Variants in SET observed in about 807,000 individuals in gnomAD.
The protein encoded by SET is protein SET.
A neutral mutation model predicts 39.0 loss-of-function variants in SET; 4 were observed. That is an observed-to-expected ratio of 0.10 (90% CI 0.05 to 0.23). The LOEUF is 0.23. Among genes scored for constraint, SET ranks in the 10% least tolerant of loss-of-function variants. SET has a pLI of 1.00. For missense variants in SET, 137 were observed against 329.7 expected (o/e 0.42, Z 4.53); for synonymous variants, 114 against 115.9 (o/e 0.98, Z 0.11).
In SET at chr9:128,692,756, A is replaced by T. The variant is rs1861594257; in HGVS notation, c.369A>T (p.Arg123Ser). 1 of 1,603,044 alleles carries T rather than the reference A, an allele frequency of 6.2e-7. No homozygotes were observed. Among genetic ancestry groups the T allele is most frequent in the Non-Finnish European group, 8.5e-7 (1 of 1,170,118 alleles). ...TEFEDIKSGYRIDFYFDENPY... is the reference protein window; with the variant it reads ...TEFEDIKSGYSIDFYFDENPY... ...TTGAAGATATTAAATCAGGTTACAG[A>T]ATAGATTTTGTAAGTATCTCTAACT... The change falls in exon 4 of 8, where the codon AGA (arginine) becomes AGT (serine). Residue 123 changes from arginine (R) to serine (S), a missense_variant. By Grantham distance (110) the Arg-to-Ser change is moderately radical (BLOSUM62 -1). Around this residue, in one of 3 missense-constraint regions of SET, gnomAD observed 59 missense variants for 237.2 expected, o/e 0.25. Coordinates refer to ENST00000322030, the MANE Select transcript of SET (RefSeq NM_003011.4).
chr9:128,690,009 C>A (rs1459960585), intron 1 of SET: 2 of 1,022,820 alleles, frequency 2.0e-6, no homozygotes, highest in South Asian at 3.0e-5. Context: ...TCCCATCAGC[C>A]GCCGCCGCCG....
chr9:128,695,211 T>C lies in SET; in HGVS notation c.*547T>C, dbSNP rs60115664. ...CAGCAAAGGGTGGGTTTGAGATGTT[T>C]GGGTGGGTTAAGTGGGCATTTTGAC... On this transcript the variant is annotated 3_prime_UTR_variant, in exon 8 of 8. Coordinates refer to ENST00000322030, the MANE Select transcript of SET (RefSeq NM_003011.4). 1,911 of 221,034 alleles carry C rather than the reference T, an allele frequency of 8.6e-3. 15 individuals are homozygous for C. Among genetic ancestry groups the C allele is most frequent in the African/African-American group, 0.04 (1,800 of 44,810 alleles). The allele number at this position is 221,034 out of a possible 1,614,324, so 13.7% of individuals were successfully genotyped here. A position where few individuals can be genotyped will look rare whatever the true frequency, so the allele number is the denominator to read the frequency against.
chr9:128,683,978 C>T (rs1442641412), exon 1 of SET: 13 of 1,556,028 alleles, frequency 8.4e-6, no homozygotes, highest in African/African-American at 4.1e-5. Context: ...GAGGAGACAT[C>T]GGCCTCTGCA....
rs770136079 is a variant in SET, at chr9:128,693,630, T to A, written c.493-8T>A. On this transcript the variant is annotated splice_region_variant and splice_polypyrimidine_tract_variant and intron_variant, in intron 5 of 7. Coordinates refer to ENST00000322030, the MANE Select transcript of SET (RefSeq NM_003011.4). ...ATTGTATCAAAAGCTCTTCCGGTATTCATTTAGGATTTGACGAAACGTTCG... is the reference window on the plus strand; with the variant it reads ...ATTGTATCAAAAGCTCTTCCGGTATACATTTAGGATTTGACGAAACGTTCG... 1.9e-6 allele frequency: 3 copies of A among 1,600,750 alleles called. No homozygotes were observed. The highest frequency in any genetic ancestry group is 2.6e-6 in the Non-Finnish European group (3 of 1,173,880).
rs1477754715 is a variant in SET, at chr9:128,689,520, C to T, written c.-63C>T. 5.0e-6 allele frequency: 4 copies of T among 806,380 alleles called. No individual in the cohort carries two copies. Among genetic ancestry groups the T allele is most frequent in the African/African-American group, 3.7e-5 (2 of 54,276 alleles). The allele number at this position is 806,380 out of a possible 1,614,324, so 50.0% of individuals were successfully genotyped here. A position where few individuals can be genotyped will look rare whatever the true frequency, so the allele number is the denominator to read the frequency against. ...TGTGGCGTGAGGGGAAGCCGCTTGC[C>T]CGCCCCCTTCGCCTTCCCTTCTCTC... On this transcript the variant is annotated 5_prime_UTR_variant, in exon 1 of 8. Coordinates refer to ENST00000322030, the MANE Select transcript of SET (RefSeq NM_003011.4).
At chr9:128,687,908 G>GT (rs1035574832), upstream of SET, among the ~76,000 whole-genome samples, 1 of 152,056 alleles carries the variant, frequency 6.6e-6, no homozygotes, top group African/African-American at 2.4e-5. Flanking sequence ...ATTGGCCAGC[G>GT]TATCACTAAA....
At position 128,689,966 on chromosome 9, in the gene SET, C is replaced by T. The variant is rs1263631530; in HGVS notation, c.73+311C>T. 16 of 941,828 alleles carry T rather than the reference C, an allele frequency of 1.7e-5. No homozygotes were observed. In the South Asian group the frequency reaches 3.4e-4, roughly 20 times the overall value. The allele number at this position is 941,828 out of a possible 1,614,324, so 58.3% of individuals were successfully genotyped here. The stretch of plus-strand genomic sequence containing the variant: ...TCCCCCTCCCTCCCTCCCGAGAAGC[C>T]TCTCTTTATTGTGCTCCGCCATGAT... On this transcript the variant is annotated intron_variant, in intron 1 of 7. Transcript: ENST00000322030.
intron 1 of SET, 90 bp downstream of exon 1, chr9:128,689,745 G>A (rs993934659): frequency 5.5e-6 from 1 of 182,076 alleles, no homozygotes; most frequent in Non-Finnish European, 1.0e-5. Flanking sequence ...CGGGGCGCGC[G>A]CGGGGGGCGC....
chr9:128,690,875 T>C (rs1484459351), intron 1 of SET: 3 of 426,970 alleles, frequency 7.0e-6, no homozygotes, highest in Non-Finnish European at 8.5e-6. Flanking sequence ...AATAAGGTTA[T>C]TCTGTGTCTT....
intron 5 of SET, 50 bp from the exon 6 acceptor site, chr9:128,693,588 T>C: frequency 6.6e-7 from 1 of 1,510,880 alleles, no homozygotes; most frequent in Non-Finnish European, 8.9e-7. Context: ...TATAGGGAGT[T>C]TGGGTGTTAT....
At position 128,691,984 on chromosome 9, in the gene SET, T is replaced by A; in HGVS notation, c.258T>A (p.Phe86Leu). The part of the protein sequence containing the change: ...AKIPNFWVTT[F>L]VNHPQVSALL... ...TCCCAAATTTTTGGGTAACAACATT[T>A]GTCAACCATCCACAAGGTATGTTTT... Residue 86 changes from phenylalanine (F) to leucine (L), a missense_variant, in exon 3 of 8, where the codon TTT becomes TTA. Coordinates refer to ENST00000322030, the MANE Select transcript of SET (RefSeq NM_003011.4). 1 of 1,613,978 alleles carries A rather than the reference T, an allele frequency of 6.2e-7. No individual in the cohort carries two copies. The highest frequency in any genetic ancestry group is 8.5e-7 in the Non-Finnish European group (1 of 1,179,932).
rs887857256 is a variant in SET, at chr9:128,689,224, CT to C, written c.-358del. 5 of 996,506 alleles carry C rather than the reference CT, an allele frequency of 5.0e-6. No homozygotes were observed. Among genetic ancestry groups the C allele is most frequent in the Middle Eastern group, 4.9e-4 (1 of 2,036 alleles). 61.7% of individuals were successfully genotyped at this position (996,506 alleles called of 1,614,324 possible). On this transcript the variant is annotated 5_prime_UTR_variant, in exon 1 of 8. Transcript: ENST00000322030. ...GCGCGCCTGCGCCCTGCGCCCGCCC[CT>C]CGCCGTAGGAGGAGGTGGAGGAGGA...
At chr9:128,689,029 A>G (rs1861387929), upstream of SET, among the ~76,000 whole-genome samples, 4 of 150,558 alleles carry the variant, frequency 2.7e-5, no homozygotes, top group South Asian at 8.4e-4. Flanking sequence ...AGAGCGGGGG[A>G]GGGGACGCGG....
intron 1 of SET, 38 bp downstream of exon 1, chr9:128,689,693 A>G: frequency 1.5e-6 from 1 of 656,620 alleles, no homozygotes; most frequent in Non-Finnish European, 2.0e-6. Flanking sequence ...CCGCGCCGCC[A>G]TCTTCGCCGC....
At chr9:128,692,231 A>G in intron 3 of SET, 4 of 419,316 alleles carry the variant, frequency 9.5e-6, no homozygotes, top group South Asian at 8.0e-5. Context: ...TACTAAAAAT[A>G]CAAAAAAAAT....
intron 7 of SET, 145 bp from the exon 8 acceptor site, chr9:128,694,496 A>G (rs1861658576): frequency 3.7e-6 from 2 of 547,090 alleles, no homozygotes; most frequent in Non-Finnish European, 6.6e-6. Flanking sequence ...AAGCAACATC[A>G]TCACGGGTGT....
chr9:128,691,126 G>A (rs1239034231), intron 1 of SET, 44 bp from the exon 2 acceptor site: 2 of 1,477,422 alleles, frequency 1.4e-6, no homozygotes, highest in Non-Finnish European at 1.9e-6. Context: ...TGGAAAACTA[G>A]GTAAATTTAT....
chr9:128,691,239 C>T lies in SET; in HGVS notation c.131+12C>T. ...AATGAAATAGACAGGTAACATTTTT[C>T]TTAATATACTTCGGAGAAATTTTCT... On this transcript the variant is annotated intron_variant, in intron 2 of 7. Coordinates refer to ENST00000322030, the MANE Select transcript of SET (RefSeq NM_003011.4). 6.4e-7 allele frequency: 1 copy of T among 1,552,306 alleles called. No individual in the cohort carries two copies.
chr9:128,689,210 C>T (rs1466388180), upstream of SET: 41 of 984,796 alleles, frequency 4.2e-5, no homozygotes, highest in Non-Finnish European at 5.0e-5. Flanking sequence ...CGCGCCTGCG[C>T]CCTGCGCCCG....
Sources: allele counts gnomAD v4.1 joint callset (sites outside exome capture counted in the v4.1 genomes callset), GRCh38; gene constraint gnomAD v4.1.1; regional missense constraint gnomAD v4.1.1; transcripts MANE v1.5; gene names NCBI Gene and HGNC (gene_info 2026-07-23, HGNC 2026-07-21).